COBL: variants seen among roughly 807,000 people sequenced by gnomAD.
COBL encodes protein cordon-bleu.
In COBL, 51 loss-of-function variants were observed where a neutral mutation model predicts 98.8. The ratio of observed to expected loss-of-function variants is 0.52; its 90% CI spans 0.41 to 0.65. The LOEUF is 0.65. COBL is among the 30% of genes least tolerant of loss of function. The probability of loss-of-function intolerance (pLI) is 0.00; values close to 1 mark genes in which losing one functional copy is unlikely to be tolerated. For missense variants in COBL, 1,617 were observed against 1,617.5 expected (o/e 1.00, Z 0.01); for synonymous variants, 634 against 651.7 (o/e 0.97, Z 0.41).
intron 2 of COBL, among the ~76,000 whole-genome samples, chr7:51,218,718 C>T (rs939246282): frequency 6.6e-6 from 1 of 152,024 alleles, no homozygotes; most frequent in Non-Finnish European, 1.5e-5. Flanking sequence ...TCAAGTGATT[C>T]GCCTGCCTCA....
chr7:51,065,490 C>G, intron 7 of COBL: 1 of 671,820 alleles, frequency 1.5e-6, no homozygotes, highest in Non-Finnish European at 2.7e-6. Flanking sequence ...GGGCAGAGGC[C>G]GAATGCACGC....
chr7:51,062,455 C>T (rs533905639), intron 7 of COBL, among the ~76,000 whole-genome samples: 4 of 152,250 alleles, frequency 2.6e-5, no homozygotes, highest in Admixed American at 1.3e-4. Context: ...GGTGTCCCGG[C>T]GCTCGGCTGG....
intron 6 of COBL, among the ~76,000 whole-genome samples, chr7:51,093,916 T>C (rs979055837): frequency 1.1e-4 from 17 of 150,764 alleles, no homozygotes; most frequent in African/African-American, 4.1e-4. Flanking sequence ...AAAAAAAGTA[T>C]AGTCAAGATA....
intron 7 of COBL, among the ~76,000 whole-genome samples, chr7:51,060,197 C>T (rs1489566903): frequency 6.6e-6 from 1 of 152,222 alleles, no homozygotes; most frequent in Non-Finnish European, 1.5e-5. Context: ...TAACAGGTTG[C>T]ATTTTCTTCA....
chr7:51,071,870 G>A (rs1035189495), intron 7 of COBL: 4 of 151,050 alleles, frequency 2.6e-5, no homozygotes, highest in Non-Finnish European at 1.5e-5. Context: ...ATGATTTGAG[G>A]TCAAATGACT....
intron 5 of COBL, among the ~76,000 whole-genome samples, chr7:51,153,591 T>G (rs985360499): frequency 3.9e-5 from 6 of 152,210 alleles, no homozygotes; most frequent in African/African-American, 1.2e-4. Flanking sequence ...TAGGCTTCTC[T>G]TCTCTTCTTT....
At chr7:51,062,267 GTCTCTCTC>G (rs146409423) in intron 7 of COBL, among the ~76,000 whole-genome samples, 20 of 149,060 alleles carry the variant, frequency 1.3e-4, no homozygotes, top group African/African-American at 3.2e-4. Flanking sequence ...AACAGTTCAT[GTCTCTCTC>G]TCTCTCTCTC....
intron 7 of COBL, among the ~76,000 whole-genome samples, chr7:51,056,277 T>C (rs2128904040): frequency 6.7e-6 from 1 of 149,808 alleles, no homozygotes; most frequent in African/African-American, 2.5e-5. Context: ...AGGGTAGGGG[T>C]GGCACAGCCT....
At chr7:51,262,756 CAG>C (rs1314558346) in intron 1 of COBL, among the ~76,000 whole-genome samples, 5 of 152,310 alleles carry the variant, frequency 3.3e-5, no homozygotes, top group Middle Eastern at 3.4e-3. Context: ...AGGGCAGTCT[CAG>C]TGGCTGTGGA....
At position 51,259,832 on chromosome 7, in the gene COBL, T is replaced by C. The variant is rs185599911; in HGVS notation, c.42-39888A>G. The stretch of plus-strand genomic sequence containing the variant: ...TACAAAGATACCACTAAAAATTTTC[T>C]TTAGGCGAAGTCTTGCCATGGTTCT... On this transcript the variant is annotated intron_variant, in intron 1 of 12. Coordinates refer to ENST00000265136, the MANE Select transcript of COBL (RefSeq NM_015198.5). 1.0e-4 allele frequency: 78 copies of C among 754,560 alleles called. No homozygotes were observed. The African/African-American group carries it at 1.1e-3, about 10-fold the overall frequency. The allele number at this position is 754,560 out of a possible 1,614,324, so 46.7% of individuals were successfully genotyped here. A position where few individuals can be genotyped will look rare whatever the true frequency, so the allele number is the denominator to read the frequency against.
chr7:51,157,823 G>T (rs537739846), intron 5 of COBL, among the ~76,000 whole-genome samples: 2 of 152,188 alleles, frequency 1.3e-5, no homozygotes, highest in Non-Finnish European at 2.9e-5. Context: ...ATATAAGTAT[G>T]TGAGGTCATG....
At chr7:51,302,654 T>C (rs1036425532) in intron 1 of COBL, among the ~76,000 whole-genome samples, 4 of 151,466 alleles carry the variant, frequency 2.6e-5, no homozygotes, top group African/African-American at 9.7e-5. Flanking sequence ...CCCAACACTT[T>C]GGGGAGCCAA....
At chr7:51,121,295 G>A (rs780961964) in intron 6 of COBL, among the ~76,000 whole-genome samples, 1 of 152,156 alleles carries the variant, frequency 6.6e-6, no homozygotes, top group African/African-American at 2.4e-5. Flanking sequence ...ATCTTTTCAT[G>A]TGCTTGCTGA....
At chr7:51,173,566 T>A in intron 5 of COBL, among the ~76,000 whole-genome samples, 1 of 152,234 alleles carries the variant, frequency 6.6e-6, no homozygotes, top group Admixed American at 6.5e-5. Flanking sequence ...CTCCATATGA[T>A]CCAGAAAAGA....
chr7:51,084,926 G>A (rs1347457403), intron 7 of COBL, among the ~76,000 whole-genome samples: 3 of 152,048 alleles, frequency 2.0e-5, no homozygotes, highest in East Asian at 1.9e-4. Context: ...TCCTGCAGCC[G>A]TTTCTCCCCT....
At chr7:51,113,463 A>G (rs1253372170) in intron 6 of COBL, among the ~76,000 whole-genome samples, 5 of 152,190 alleles carry the variant, frequency 3.3e-5, no homozygotes, top group African/African-American at 1.2e-4. Context: ...CTCTTAAAAA[A>G]CATTGTTAAG....
At chr7:51,211,137 C>A (rs1412252678) in intron 2 of COBL, among the ~76,000 whole-genome samples, 1 of 152,232 alleles carries the variant, frequency 6.6e-6, no homozygotes, top group Non-Finnish European at 1.5e-5. Context: ...GTGGAAGAGG[C>A]TGCCTGGCCA....
At chr7:51,266,033 T>C (rs913556460) in intron 1 of COBL, among the ~76,000 whole-genome samples, 1 of 152,184 alleles carries the variant, frequency 6.6e-6, no homozygotes, top group Admixed American at 6.5e-5. Flanking sequence ...GGGATTAACA[T>C]AATATTTAAT....
At chr7:51,113,502 T>C (rs990219129) in intron 6 of COBL, among the ~76,000 whole-genome samples, 1 of 152,198 alleles carries the variant, frequency 6.6e-6, no homozygotes, top group Non-Finnish European at 1.5e-5. Context: ...AAGCTTTTAC[T>C]GTCACTCAAT....
Sources: allele counts gnomAD v4.1 joint callset (sites outside exome capture counted in the v4.1 genomes callset), GRCh38; gene constraint gnomAD v4.1.1; transcripts MANE v1.5; gene names NCBI Gene and HGNC (gene_info 2026-07-23, HGNC 2026-07-21).